The following PIEZO2 variants were observed in gnomAD, a reference collection of about 807,000 sequenced individuals.
PIEZO2 encodes the protein piezo-type mechanosensitive ion channel component 2.
In PIEZO2, 172 loss-of-function variants were observed where a neutral mutation model predicts 337.3. That is an observed-to-expected ratio of 0.51 (90% CI 0.45 to 0.58). The LOEUF is 0.58. PIEZO2 is among the 20% of genes least tolerant of loss of function. The pLI, the probability that PIEZO2 is intolerant of heterozygous loss-of-function variation, is 0.00. For missense variants in PIEZO2, 3,028 were observed against 3,391.3 expected (o/e 0.89, Z 2.66); for synonymous variants, 1,251 against 1,228.5 (o/e 1.02, Z -0.38).
At chr18:10,957,289 TG>T (rs1265367911) in intron 3 of PIEZO2, among the ~76,000 whole-genome samples, 3 of 151,432 alleles carry the variant, frequency 2.0e-5, no homozygotes, top group Non-Finnish European at 2.9e-5. Context: ...CCCAGCTACT[TG>T]GGGGGCTGAG....
intron 2 of PIEZO2, among the ~76,000 whole-genome samples, chr18:10,992,523 C>T (rs1305175265): frequency 6.6e-6 from 1 of 152,148 alleles, no homozygotes; most frequent in East Asian, 1.9e-4. Context: ...TGAGGTTTGT[C>T]AAAGATCAGA....
At position 10,699,067 on chromosome 18, in the gene PIEZO2, G is replaced by T. The variant is rs1032613801; in HGVS notation, c.6552C>A (p.Leu2184=). 1 of 1,537,216 alleles carries T rather than the reference G, an allele frequency of 6.5e-7. No individual in the cohort carries two copies. Residue 2184 remains leucine (L), a synonymous_variant, in exon 44 of 56, where the codon CTC becomes CTA. Transcript: ENST00000674853. The part of the protein sequence containing the change: ...GHGRRDSSDS[L]KSINLAASVE... ...CAGACGCGGCCAGGTTGATGGACTT[G>T]AGAGAATCGGAGGAGTCCCTCCTGC...
At chr18:10,802,443 TA>T (rs929887259) in intron 9 of PIEZO2, among the ~76,000 whole-genome samples, 4 of 152,162 alleles carry the variant, frequency 2.6e-5, no homozygotes, top group African/African-American at 9.6e-5. Flanking sequence ...ATTAAAAATT[TA>T]AAAAAACCCA....
At chr18:11,024,859 G>A (rs151216318) in intron 2 of PIEZO2, among the ~76,000 whole-genome samples, 1,718 of 151,758 alleles carry the variant, frequency 0.011, 35 homozygotes, top group African/African-American at 0.039. Context: ...GGGGGGTCTC[G>A]AACTCCTGAT....
rs1339851941 is a variant in PIEZO2 at position 10,767,127 on chromosome 18, C to T, written c.2946+3021G>A. Among the ~76,000 whole-genome samples, 1 of 151,790 alleles carries T rather than the reference C, an allele frequency of 6.6e-6. No individual in the cohort carries two copies. Among genetic ancestry groups the T allele is most frequent in the East Asian group, 1.9e-4 (1 of 5,164 alleles). On this transcript the variant is annotated intron_variant, in intron 21 of 55. Coordinates refer to ENST00000674853, the MANE Select transcript of PIEZO2 (RefSeq NM_001378183.1). The surrounding 1 kb of genome is among the most constrained non-coding windows in gnomAD (Gnocchi z 4.2). Reference sequence around the variant, plus strand: ...GACTCACTGACCTCACAGAGCTGTCCAATAGCCTTCGGAATTAGAAAGTAG... The same window carrying T: ...GACTCACTGACCTCACAGAGCTGTCTAATAGCCTTCGGAATTAGAAAGTAG...
At chr18:10,675,331 T>C (rs369668976) in intron 53 of PIEZO2, 43 bp from the exon 54 acceptor site, 4 of 1,249,450 alleles carry the variant, frequency 3.2e-6, no homozygotes, top group Admixed American at 2.7e-5. Flanking sequence ...TTTTAGTTGT[T>C]TTACCCACCT....
chr18:11,088,543 A>T (rs1158836573), intron 1 of PIEZO2, among the ~76,000 whole-genome samples: 1 of 152,222 alleles, frequency 6.6e-6, no homozygotes, highest in Non-Finnish European at 1.5e-5. Context: ...GATCACTAGC[A>T]TTATTAATGT....
intron 37 of PIEZO2, 62 bp from the exon 38 acceptor site, chr18:10,715,878 G>A: frequency 7.5e-7 from 1 of 1,338,224 alleles, no homozygotes; most frequent in Non-Finnish European, 1.0e-6. Flanking sequence ...TTACTTTTGT[G>A]TAGCCCAGCG....
At chr18:11,034,710 G>T (rs2036862791) in intron 2 of PIEZO2, among the ~76,000 whole-genome samples, 1 of 152,100 alleles carries the variant, frequency 6.6e-6, no homozygotes, top group Admixed American at 6.5e-5. Context: ...CCAGAGGCTG[G>T]GTGCTGTGGC....
At position 11,116,075 on chromosome 18, in the gene PIEZO2, A is replaced by G. The variant is rs530835549; in HGVS notation, c.64+32450T>C. Among the ~76,000 whole-genome samples the G allele has an allele frequency of 1.3e-3, 192 of 152,364 alleles. 1 individual carries two copies. In the Middle Eastern group the frequency reaches 0.014, roughly 11 times the overall value. On this transcript the variant is annotated intron_variant, in intron 1 of 55. Coordinates refer to ENST00000674853, the MANE Select transcript of PIEZO2 (RefSeq NM_001378183.1). The surrounding 1 kb of genome is among the most constrained non-coding windows in gnomAD (Gnocchi z 5.0). ...ATAAAAATGTATTTTCACAGTGTTT[A>G]GAGCTAAATAACAAACATAATACAG... is the stretch of plus-strand genomic sequence containing the variant.
rs2041510134 is a variant in PIEZO2 at position 10,850,412 on chromosome 18, C to T, written c.917+4941G>A. 6.6e-6 allele frequency among the ~76,000 whole-genome samples: 1 copy of T among 152,176 alleles called. No individual in the cohort carries two copies. Among genetic ancestry groups the T allele is most frequent in the Non-Finnish European group, 1.5e-5 (1 of 68,028 alleles). On this transcript the variant is annotated intron_variant, in intron 7 of 55. Coordinates refer to ENST00000674853, the MANE Select transcript of PIEZO2 (RefSeq NM_001378183.1). The surrounding 1 kb of genome is among the most constrained non-coding windows in gnomAD (Gnocchi z 4.5). Reference sequence around the variant, plus strand: ...TAGGACCTGGACACCTGTGCATCCTCCAGCAGAAGCAAGCACCCCCACAGC... The same window carrying T: ...TAGGACCTGGACACCTGTGCATCCTTCAGCAGAAGCAAGCACCCCCACAGC...
At position 11,149,033 on chromosome 18, in the gene PIEZO2, G is replaced by A. The variant is rs924928270; in HGVS notation, c.-445C>T. 1.6e-4 allele frequency among the ~76,000 whole-genome samples: 24 copies of A among 152,062 alleles called. No homozygotes were observed. The highest frequency in any genetic ancestry group is 5.8e-4 in the African/African-American group (24 of 41,494). ...CCCGGGGCGTCGTTTGGGGGCGGCC[G>A]GGGAGTTTTCTACTTGGAAGCCCCT... On this transcript the variant is annotated 5_prime_UTR_variant, in exon 1 of 56. Transcript: ENST00000674853. This position sits in a 1 kb window ranked among gnomAD's most constrained non-coding sequence, Gnocchi z 8.7.
chr18:10,755,736 C>G (rs941160610), intron 27 of PIEZO2, among the ~76,000 whole-genome samples: 1 of 151,992 alleles, frequency 6.6e-6, no homozygotes, highest in Non-Finnish European at 1.5e-5. Context: ...AGGGGAGACA[C>G]TGCTCAGGAA....
Position 10,697,757 on chromosome 18 carries a change from G to T in PIEZO2, c.6818C>A (p.Thr2273Asn). 1.2e-6 allele frequency: 2 copies of T among 1,613,916 alleles called. No homozygotes were observed. The highest frequency in any genetic ancestry group is 2.2e-5 in the South Asian group (2 of 91,006). The change falls in exon 45 of 56, where the codon ACC becomes AAC. Residue 2273 changes from threonine to asparagine, a missense_variant. Physicochemically the swap from Thr to Asn is moderately conservative, Grantham distance 65. This residue lies in a region of PIEZO2 where 1,925 missense variants were observed against 2,051.9 expected (regional missense o/e 0.94). Coordinates refer to ENST00000674853, the MANE Select transcript of PIEZO2 (RefSeq NM_001378183.1). Reference protein sequence around the residue: ...QEHLIKAKAFTIKKTLEIYVP... With the variant: ...QEHLIKAKAFNIKKTLEIYVP... ...GTTCTCATGGACTCACTTCTTTATG[G>T]TAAAGGCTTTTGCTTTGATTAAATG...
chr18:10,773,402 G>A lies in PIEZO2; in HGVS notation c.2785+10C>T. On this transcript the variant is annotated intron_variant, in intron 20 of 55. Coordinates refer to ENST00000674853, the MANE Select transcript of PIEZO2 (RefSeq NM_001378183.1). This position sits in a 1 kb window ranked among gnomAD's most constrained non-coding sequence, Gnocchi z 5.3. ...GTTCTCTGACCAGCTGCTGGTAGTG[G>A]GCTGATTACCTGATGTTTCTTCCTC... is the stretch of plus-strand genomic sequence containing the variant. 6.5e-7 allele frequency: 1 copy of A among 1,537,000 alleles called. No homozygotes were observed. The highest frequency in any genetic ancestry group is 1.2e-5 in the South Asian group (1 of 84,064).
chr18:10,695,149 C>T (rs114076947), intron 47 of PIEZO2, among the ~76,000 whole-genome samples: 1,554 of 152,284 alleles, frequency 0.01, 20 homozygotes, highest in African/African-American at 0.036. Flanking sequence ...TTTTCTTTGC[C>T]GAAATGACCA....
Position 10,773,920 on chromosome 18 carries a change from G to A in PIEZO2, c.2567+86C>T. 2.9e-6 allele frequency: 2 copies of A among 678,390 alleles called. No homozygotes were observed. Among genetic ancestry groups the A allele is most frequent in the Admixed American group, 2.2e-5 (1 of 44,594 alleles). 42.0% of individuals were successfully genotyped at this position (678,390 alleles called of 1,614,324 possible). On this transcript the variant is annotated intron_variant, in intron 19 of 55. Transcript: ENST00000674853. This position sits in a 1 kb window ranked among gnomAD's most constrained non-coding sequence, Gnocchi z 5.3. ...ACCTAAACTTGACATTTTTCCCAGA[G>A]GAGAAAATGGTCAGAGTTTAGGGTG...
intron 1 of PIEZO2, among the ~76,000 whole-genome samples, chr18:11,117,058 G>C (rs968692295): frequency 3.3e-5 from 5 of 152,070 alleles, no homozygotes; most frequent in African/African-American, 1.2e-4. Context: ...GCAGTGAGCC[G>C]AGACTCCACT....
At position 10,696,557 on chromosome 18, in the gene PIEZO2, C is replaced by T. The variant is rs997771583; in HGVS notation, c.6828-18G>A. 6.2e-7 allele frequency: 1 copy of T among 1,612,260 alleles called. No homozygotes were observed. Among genetic ancestry groups the T allele is most frequent in the Non-Finnish European group, 8.5e-7 (1 of 1,179,550 alleles). ...CCAGCGTCCTGCAAAATGGAGACCC[C>T]CACCCCCAACCCACTTGTTTCAGGA... On this transcript the variant is annotated intron_variant, in intron 45 of 55. Coordinates refer to ENST00000674853, the MANE Select transcript of PIEZO2 (RefSeq NM_001378183.1).
Sources: allele counts gnomAD v4.1 joint callset (sites outside exome capture counted in the v4.1 genomes callset), GRCh38; gene constraint gnomAD v4.1.1; regional missense constraint gnomAD v4.1.1; non-coding constraint Gnocchi (gnomAD v3.1); transcripts MANE v1.5; gene names NCBI Gene and HGNC (gene_info 2026-07-23, HGNC 2026-07-21).